Variants in LCLAT1 observed in about 807,000 individuals in gnomAD.
The protein encoded by LCLAT1 is lysocardiolipin acyltransferase 1, also known as 1-AGP acyltransferase 8.
LCLAT1 carries 11 observed loss-of-function variants against 30.7 expected under a neutral mutation model. That is an observed-to-expected ratio of 0.36 (90% confidence interval 0.23 to 0.59). The LOEUF (loss-of-function observed/expected upper bound fraction) is 0.59, where lower values mean the gene tolerates loss of function less well. Among genes scored for constraint, LCLAT1 ranks in the 20% least tolerant of loss-of-function variants. The pLI is 0.77. For missense variants in LCLAT1, 402 were observed against 458.6 expected (o/e 0.88, Z 1.13); for synonymous variants, 155 against 151.3 (o/e 1.02, Z -0.18).
At chr2:30,469,502 G>C (rs186059481) in intron 1 of LCLAT1, among the ~76,000 whole-genome samples, 1 of 150,434 alleles carries the variant, frequency 6.6e-6, no homozygotes, top group East Asian at 1.9e-4. Flanking sequence ...TTGCACCCTC[G>C]TTGAAAATCA....
intron 1 of LCLAT1, among the ~76,000 whole-genome samples, chr2:30,471,313 G>A (rs199521853): frequency 1.4e-3 from 220 of 151,918 alleles, no homozygotes; most frequent in Non-Finnish European, 1.6e-3. Context: ...GGGTTCAAGC[G>A]ATTCTTCTGC....
At chr2:30,502,394 A>G (rs534377287) in intron 1 of LCLAT1, among the ~76,000 whole-genome samples, 8 of 152,246 alleles carry the variant, frequency 5.3e-5, no homozygotes, top group African/African-American at 1.2e-4. Context: ...CACATCTACA[A>G]TTCACTCATT....
intron 5 of LCLAT1, among the ~76,000 whole-genome samples, chr2:30,603,575 T>C (rs2148494263): frequency 6.6e-6 from 1 of 152,148 alleles, no homozygotes; most frequent in East Asian, 1.9e-4. Flanking sequence ...ACATTCAAGA[T>C]CTCCTTTGCA....
At chr2:30,463,351 C>T (rs865868069) in intron 1 of LCLAT1, among the ~76,000 whole-genome samples, 5 of 151,982 alleles carry the variant, frequency 3.3e-5, no homozygotes, top group Admixed American at 2.0e-4. Flanking sequence ...AATATATAAA[C>T]GTTATCATAC....
intron 5 of LCLAT1, among the ~76,000 whole-genome samples, chr2:30,572,946 A>T (rs7593659): frequency 6.6e-6 from 1 of 151,318 alleles, no homozygotes; most frequent in African/African-American, 2.4e-5. Context: ...GGGTTGAAAG[A>T]GGAAAAAAAA....
intron 1 of LCLAT1, among the ~76,000 whole-genome samples, chr2:30,477,218 CTTTTTG>C (rs1312674222): frequency 1.4e-4 from 22 of 152,070 alleles, no homozygotes; most frequent in Non-Finnish European, 7.4e-5. Context: ...AGCTGTTGTC[CTTTTTG>C]TTTTTATCAC....
intron 3 of LCLAT1, among the ~76,000 whole-genome samples, chr2:30,558,825 A>G (rs1194087507): frequency 6.6e-6 from 1 of 152,116 alleles, no homozygotes; most frequent in Admixed American, 6.5e-5. Flanking sequence ...ACAGACATAA[A>G]CCCTATGAGG....
At chr2:30,484,925 T>C (rs1434872045) in intron 1 of LCLAT1, among the ~76,000 whole-genome samples, 2 of 149,618 alleles carry the variant, frequency 1.3e-5, no homozygotes, top group Non-Finnish European at 3.0e-5. Context: ...TATGGTATGC[T>C]ATGGTATGGT....
intron 3 of LCLAT1, among the ~76,000 whole-genome samples, chr2:30,541,036 A>G (rs1241690567): frequency 1.3e-5 from 2 of 152,262 alleles, no homozygotes; most frequent in Non-Finnish European, 2.9e-5. Flanking sequence ...CTTTTGGGTT[A>G]TACAAATTCT....
At chr2:30,628,451 T>G (rs1448649598) in intron 5 of LCLAT1, among the ~76,000 whole-genome samples, 2 of 152,194 alleles carry the variant, frequency 1.3e-5, no homozygotes, top group Non-Finnish European at 2.9e-5. Context: ...CAAGTTTGTA[T>G]TGCAAAACAG....
chr2:30,615,517 C>CAGT (rs1667954820), intron 5 of LCLAT1, among the ~76,000 whole-genome samples: 1 of 152,104 alleles, frequency 6.6e-6, no homozygotes, highest in Non-Finnish European at 1.5e-5. Flanking sequence ...GTATGTTGAG[C>CAGT]AGTACTAAGG....
intron 5 of LCLAT1, among the ~76,000 whole-genome samples, chr2:30,594,462 G>T (rs1378765537): frequency 1.3e-5 from 2 of 152,096 alleles, no homozygotes; most frequent in East Asian, 3.9e-4. Flanking sequence ...TTGATTAGAG[G>T]TCTTTTATGA....
intron 1 of LCLAT1, among the ~76,000 whole-genome samples, chr2:30,452,007 A>G (rs1158279438): frequency 6.6e-6 from 1 of 152,256 alleles, no homozygotes; most frequent in Non-Finnish European, 1.5e-5. Context: ...TTCCATTTAA[A>G]TGAAGTCACA....
chr2:30,501,708 C>T (rs1331261086), intron 1 of LCLAT1, among the ~76,000 whole-genome samples: 3 of 152,038 alleles, frequency 2.0e-5, no homozygotes, highest in Non-Finnish European at 2.9e-5. Context: ...CAATATGAAA[C>T]ATGAAGGAAA....
At chr2:30,543,347 A>G (rs911596843) in intron 3 of LCLAT1, among the ~76,000 whole-genome samples, 3 of 152,108 alleles carry the variant, frequency 2.0e-5, no homozygotes, top group Admixed American at 2.0e-4. Flanking sequence ...TTTTGGATTC[A>G]ATATGCTAAT....
intron 5 of LCLAT1, among the ~76,000 whole-genome samples, chr2:30,635,412 T>C (rs934873699): frequency 1.3e-5 from 2 of 152,120 alleles, no homozygotes; most frequent in African/African-American, 2.4e-5. Flanking sequence ...GAAATGAGTG[T>C]CAAGGTGTAA....
intron 5 of LCLAT1, among the ~76,000 whole-genome samples, chr2:30,622,055 G>A (rs1668280229): frequency 6.6e-6 from 1 of 152,128 alleles, no homozygotes; most frequent in Admixed American, 6.5e-5. Flanking sequence ...CCGGCTGCCT[G>A]GAAATAAACC....
At chr2:30,496,070 A>C (rs1005197288) in intron 1 of LCLAT1, among the ~76,000 whole-genome samples, 1 of 152,088 alleles carries the variant, frequency 6.6e-6, no homozygotes, top group African/African-American at 2.4e-5. Context: ...GGCAAAGGGG[A>C]AGCTGGATTG....
chr2:30,601,234 T>C (rs1275162148), intron 5 of LCLAT1, among the ~76,000 whole-genome samples: 1 of 152,194 alleles, frequency 6.6e-6, no homozygotes, highest in African/African-American at 2.4e-5. Flanking sequence ...TAGAACGTAC[T>C]CCTTTAACTC....
Sources: gnomAD v4.1 joint callset for allele counts (sites outside exome capture counted in the v4.1 genomes callset) on GRCh38, gnomAD v4.1.1 for gene constraint, MANE v1.5 for transcripts, NCBI Gene and HGNC (gene_info 2026-07-23, HGNC 2026-07-21) for gene names.